Variants in DNASE2B observed in about 807,000 individuals in gnomAD.
DNASE2B encodes deoxyribonuclease-2-beta.
DNASE2B carries 43 observed loss-of-function variants against 46.0 expected under a neutral mutation model. The ratio of observed to expected loss-of-function variants is 0.94; its 90% CI spans 0.73 to 1.21. The LOEUF (loss-of-function observed/expected upper bound fraction) is 1.21. Among genes scored for constraint, DNASE2B ranks in the 50% most tolerant of loss-of-function variants. The pLI is 0.00. For missense variants in DNASE2B, 395 were observed against 414.4 expected, an observed-to-expected ratio of 0.95 and a Z score of 0.41; for synonymous variants, 156 against 152.5, an observed-to-expected ratio of 1.02 and a Z score of -0.17.
Position 84,414,931 on chromosome 1 carries a change from A to G in DNASE2B, c.*63A>G. 8.3e-7 allele frequency: 1 copy of G among 1,203,182 alleles called. No individual in the cohort carries two copies. Among genetic ancestry groups the G allele is most frequent in the Non-Finnish European group, 1.2e-6 (1 of 851,194 alleles). 74.5% of individuals were successfully genotyped at this position (1,203,182 alleles called of 1,614,324 possible). A position where few individuals can be genotyped will look rare whatever the true frequency, so the allele number is the denominator to read the frequency against. On this transcript the variant is annotated 3_prime_UTR_variant, in exon 6 of 6. Transcript: ENST00000370665. ...TTGACAATGGGTCTTCTTCCATTAC[A>G]CCTTCTTTATATTTTAAAGGCCTGT...
Position 84,410,931 on chromosome 1 carries a change from C to A in DNASE2B, c.479C>A (p.Pro160His), listed in dbSNP as rs373925401. The change falls in exon 4 of 6, where the codon CCC becomes CAC. Residue 160 changes from proline (P) to histidine (H), a missense_variant. Coordinates refer to ENST00000370665, the MANE Select transcript of DNASE2B (RefSeq NM_021233.3). ...CCGGAAGAAGGCTATGATTATCCACCCACAGGGAGACGAAATGGACAAAGT... is the reference window on the plus strand; with the variant it reads ...CCGGAAGAAGGCTATGATTATCCACACACAGGGAGACGAAATGGACAAAGT... Reference protein sequence around the residue: ...PIPEEGYDYPPTGRRNGQSGI... With the variant: ...PIPEEGYDYPHTGRRNGQSGI... 5.0e-6 allele frequency: 8 copies of A among 1,613,016 alleles called. No homozygotes were observed. The highest frequency in any genetic ancestry group is 5.9e-6 in the Non-Finnish European group (7 of 1,179,594).
chr1:84,411,099 T>C lies in DNASE2B; in HGVS notation c.547+100T>C, dbSNP rs544479671. The C allele has an allele frequency of 1.9e-5, 26 of 1,352,158 alleles. No homozygotes were observed. In the South Asian group the frequency reaches 3.0e-4, roughly 15 times the overall value. 83.8% of individuals were successfully genotyped at this position (1,352,158 alleles called of 1,614,324 possible). On this transcript the variant is annotated intron_variant, in intron 4 of 5. Coordinates refer to ENST00000370665, the MANE Select transcript of DNASE2B (RefSeq NM_021233.3). ...GTCACTTCATTTGTTAATCTATTCA[T>C]AGACCCTCTGATACCTAGATTCTAA...
chr1:84,409,261 T>TA (rs1381833723), intron 3 of DNASE2B, among the ~76,000 whole-genome samples: 1 of 152,302 alleles, frequency 6.6e-6, no homozygotes, highest in East Asian at 1.9e-4. Flanking sequence ...TTCAATTTCA[T>TA]ATATCATAAA....
rs34317968 is a variant in DNASE2B, at chr1:84,412,494, G to A, written c.693G>A (p.Ser231=). 1.3e-5 allele frequency: 21 copies of A among 1,613,466 alleles called. No homozygotes were observed. In the African/African-American group the frequency reaches 2.0e-4, roughly 15 times the overall value. The change falls in exon 5 of 6, where the codon TCG becomes TCA. Residue 231 remains serine (S), a synonymous_variant. Coordinates refer to ENST00000370665, the MANE Select transcript of DNASE2B (RefSeq NM_021233.3). Reference sequence around the variant, plus strand: ...GCAGGCTCCTCACCACACTTCAGTCGGCCCAGGGACAAAAATTCCTCCATT... The same window carrying A: ...GCAGGCTCCTCACCACACTTCAGTCAGCCCAGGGACAAAAATTCCTCCATT... ...IPGRLLTTLQ[S]AQGQKFLHFA...
chr1:84,401,429 T>C (rs1231977920), intron 1 of DNASE2B, among the ~76,000 whole-genome samples: 2 of 152,208 alleles, frequency 1.3e-5, no homozygotes, highest in African/African-American at 2.4e-5. Context: ...ACTTAATTAC[T>C]TGGTTTTAGC....
chr1:84,412,245 T>G, intron 4 of DNASE2B, 104 bp from the exon 5 acceptor site: 4 of 1,068,550 alleles, frequency 3.7e-6, no homozygotes, highest in Non-Finnish European at 5.1e-6. Context: ...TGCCTTTGTT[T>G]TTGTGTTGTT....
In DNASE2B at chr1:84,398,501, A is replaced by G. The variant is rs1680344600; in HGVS notation, c.-64A>G. 3.1e-6 allele frequency: 5 copies of G among 1,597,418 alleles called. No homozygotes were observed. In the Admixed American group the frequency reaches 5.1e-5, roughly 16 times the overall value. ...CAAACGTCAGAGCCAGCACAGCCTG[A>G]GAGCGCCTTGAAACTCAGACTCCAC... On this transcript the variant is annotated 5_prime_UTR_variant, in exon 1 of 6. Coordinates refer to ENST00000370665, the MANE Select transcript of DNASE2B (RefSeq NM_021233.3).
chr1:84,412,378 G>T lies in DNASE2B; in HGVS notation c.577G>T (p.Val193Phe), dbSNP rs759948816. 1 of 1,606,452 alleles carries T rather than the reference G, an allele frequency of 6.2e-7. No individual in the cohort carries two copies. Among genetic ancestry groups the T allele is most frequent in the Admixed American group, 1.7e-5 (1 of 59,420 alleles). ...TCAGCTCTTGGTCTGCAACCCCAAC[G>T]TCTATAGCTGCTCCATCCCAGCCAC... Reference protein sequence around the residue: ...DSQLLVCNPNVYSCSIPATFH... With the variant: ...DSQLLVCNPNFYSCSIPATFH... Residue 193 changes from valine (V) to phenylalanine (F), a missense_variant, in exon 5 of 6, where the codon GTC (valine) becomes TTC (phenylalanine). Physicochemically the swap from Val to Phe is conservative, Grantham distance 50. Coordinates refer to ENST00000370665, the MANE Select transcript of DNASE2B (RefSeq NM_021233.3).
chr1:84,406,563 T>G (rs909444060), intron 2 of DNASE2B, among the ~76,000 whole-genome samples: 7 of 152,184 alleles, frequency 4.6e-5, no homozygotes, highest in African/African-American at 1.7e-4. Flanking sequence ...CAATATTTCT[T>G]ACCTTTAGTA....
At chr1:84,408,201 C>T (rs1483331385) in intron 2 of DNASE2B, 2 of 411,448 alleles carry the variant, frequency 4.9e-6, no homozygotes, top group Non-Finnish European at 7.6e-6. Context: ...GATCACAATG[C>T]ACAGGGCTCC....
At chr1:84,400,513 G>A (rs139390630) in intron 1 of DNASE2B, among the ~76,000 whole-genome samples, 1,532 of 152,288 alleles carry the variant, frequency 0.01, 9 homozygotes, top group Non-Finnish European at 0.016. Context: ...TCAAAAATAC[G>A]GAGTTGGGGG....
At chr1:84,408,934 C>T (rs12034438) in intron 3 of DNASE2B, among the ~76,000 whole-genome samples, 62,811 of 151,344 alleles carry the variant, frequency 0.42, 13,226 homozygotes, top group Middle Eastern at 0.5. Flanking sequence ...GAGAGTAAAA[C>T]GAGCTCTTCT....
At chr1:84,412,181 TGTTA>T (rs1165761659) in intron 4 of DNASE2B, among the ~76,000 whole-genome samples, 164 bp from the exon 5 acceptor site, 1 of 152,148 alleles carries the variant, frequency 6.6e-6, no homozygotes, top group African/African-American at 2.4e-5. Flanking sequence ...GCTTAACAGG[TGTTA>T]GTTATTTAAA....
Position 84,398,499 on chromosome 1 carries a change from T to TGA in DNASE2B, c.-62_-61dup. On this transcript the variant is annotated 5_prime_UTR_variant, in exon 1 of 6. Transcript: ENST00000370665. ...ATCAAACGTCAGAGCCAGCACAGCCTGAGAGCGCCTTGAAACTCAGACTCC... is the reference window on the plus strand; with the variant it reads ...ATCAAACGTCAGAGCCAGCACAGCCTGAGAGAGCGCCTTGAAACTCAGACTCC... 1.3e-6 allele frequency: 2 copies of TGA among 1,595,766 alleles called. No homozygotes were observed. Among genetic ancestry groups the TGA allele is most frequent in the South Asian group, 2.3e-5 (2 of 87,872 alleles).
intron 2 of DNASE2B, 131 bp downstream of exon 2, chr1:84,402,209 AC>A: frequency 1.2e-6 from 1 of 819,096 alleles, no homozygotes; most frequent in African/African-American, 1.8e-5. Context: ...CTAGCTCAGG[AC>A]CAGCTCAAGA....
intron 5 of DNASE2B, 104 bp downstream of exon 5, chr1:84,412,650 A>T: frequency 8.7e-7 from 1 of 1,155,012 alleles, no homozygotes; most frequent in Admixed American, 2.7e-5. Flanking sequence ...AGAGAGATGA[A>T]AAAAGGGAGC....
Position 84,414,872 on chromosome 1 carries a change from T to G in DNASE2B, c.*4T>G. ...ATACTATGAAAGCTGTAAGTAAACT[T>G]GGTGAAAGGACACAGGTACTATCAT... On this transcript the variant is annotated 3_prime_UTR_variant, in exon 6 of 6. Transcript: ENST00000370665. The G allele has an allele frequency of 6.2e-7, 1 of 1,601,846 alleles. No individual in the cohort carries two copies. The highest frequency in any genetic ancestry group is 1.3e-5 in the African/African-American group (1 of 74,738).
chr1:84,404,406 T>C (rs1266740736), intron 2 of DNASE2B, among the ~76,000 whole-genome samples: 4 of 152,204 alleles, frequency 2.6e-5, no homozygotes, highest in Non-Finnish European at 2.9e-5. Context: ...CAGGAATGTA[T>C]TGTTTTGGGC....
At chr1:84,413,017 C>T (rs947571409) in intron 5 of DNASE2B, among the ~76,000 whole-genome samples, 1 of 149,264 alleles carries the variant, frequency 6.7e-6, no homozygotes, top group Non-Finnish European at 1.5e-5. Context: ...TTTCTCCCAC[C>T]CCCAAAGAAG....
Sources: allele counts gnomAD v4.1 joint callset (sites outside exome capture counted in the v4.1 genomes callset), GRCh38; gene constraint gnomAD v4.1.1; transcripts MANE v1.5; gene names NCBI Gene and HGNC (gene_info 2026-07-23, HGNC 2026-07-21).